Variants in NTM observed in about 807,000 individuals in gnomAD.
NTM encodes IgLON family member 2.
A neutral mutation model predicts 42.1 loss-of-function variants in NTM; 13 were observed. The observed-to-expected ratio is 0.31, with a 90% CI of 0.20 to 0.49. NTM has a LOEUF of 0.49. NTM is among the 20% of genes least tolerant of loss of function. NTM has a pLI of 0.99. For missense variants in NTM, 373 were observed against 452.8 expected (o/e 0.82, Z 1.60); for synonymous variants, 187 against 179.2 (o/e 1.04, Z -0.35).
chr11:132,167,087 C>A (rs2075391952), intron 3 of NTM, among the ~76,000 whole-genome samples: 2 of 152,104 alleles, frequency 1.3e-5, no homozygotes, highest in Admixed American at 1.3e-4. Flanking sequence ...CTATTTTACT[C>A]TGTTCTATCT....
intron 2 of NTM, among the ~76,000 whole-genome samples, chr11:131,995,306 T>C (rs2135180456): frequency 6.6e-6 from 1 of 152,280 alleles, no homozygotes; most frequent in African/African-American, 2.4e-5. Context: ...GGTGCTAGGA[T>C]GCAAGCACCC....
intron 4 of NTM, among the ~76,000 whole-genome samples, chr11:132,229,214 A>AT (rs200098357): frequency 6.6e-6 from 1 of 152,056 alleles, no homozygotes; most frequent in African/African-American, 2.4e-5. Flanking sequence ...AGAACTCCTC[A>AT]TTTTTCTTGA....
intron 4 of NTM, among the ~76,000 whole-genome samples, chr11:132,252,970 G>A (rs1166977072): frequency 6.6e-6 from 1 of 152,182 alleles, no homozygotes; most frequent in African/African-American, 2.4e-5. Context: ...TGACAAAGAT[G>A]TCCTCTTTGC....
At chr11:131,669,552 G>A (rs887902168) in intron 1 of NTM, among the ~76,000 whole-genome samples, 6 of 152,182 alleles carry the variant, frequency 3.9e-5, no homozygotes, top group Non-Finnish European at 8.8e-5. Context: ...CATTGAAGGA[G>A]GCTACCTTGT....
rs373622447 is a variant in NTM at position 131,711,812 on chromosome 11, C to T, written c.83-199752C>T. 2.6e-4 allele frequency among the ~76,000 whole-genome samples: 40 copies of T among 151,236 alleles called. No homozygotes were observed. The East Asian group carries it at 5.0e-3, about 19-fold the overall frequency. ...AATACTATGCAGCCATAAAAAATGA[C>T]GAGTTCATGTCCTTTGTAGGGACAT... is the stretch of plus-strand genomic sequence containing the variant. On this transcript the variant is annotated intron_variant, in intron 1 of 8. Transcript: ENST00000683400.
intron 1 of NTM, among the ~76,000 whole-genome samples, chr11:131,882,494 A>C (rs2049697287): frequency 6.6e-6 from 1 of 152,246 alleles, no homozygotes; most frequent in Non-Finnish European, 1.5e-5. Flanking sequence ...CTGGAATAAT[A>C]TTTAATCCAA....
At chr11:132,056,606 A>G (rs2079709426) in intron 2 of NTM, among the ~76,000 whole-genome samples, 1 of 152,250 alleles carries the variant, frequency 6.6e-6, no homozygotes, top group Non-Finnish European at 1.5e-5. Flanking sequence ...TGGAGAGACA[A>G]GGAGAATCAG....
chr11:132,184,533 T>C (rs1322226818), intron 3 of NTM, among the ~76,000 whole-genome samples: 1 of 152,158 alleles, frequency 6.6e-6, no homozygotes, highest in Non-Finnish European at 1.5e-5. Context: ...AGGAAATTCT[T>C]TCCTGCAGAC....
intron 1 of NTM, among the ~76,000 whole-genome samples, chr11:131,449,901 C>G (rs1950355925): frequency 6.6e-6 from 1 of 152,176 alleles, no homozygotes; most frequent in Non-Finnish European, 1.5e-5. Flanking sequence ...GCAGCTTCTA[C>G]CTACTCACTC....
intron 3 of NTM, among the ~76,000 whole-genome samples, chr11:132,209,464 A>G (rs1256619320): frequency 2.0e-5 from 3 of 152,236 alleles, no homozygotes; most frequent in African/African-American, 4.8e-5. Flanking sequence ...CTGAAGCTCA[A>G]TGAGGATGGA....
chr11:131,630,204 T>A lies in NTM; in HGVS notation c.82+259316T>A, dbSNP rs143498412. Among the ~76,000 whole-genome samples, 441 of 152,234 alleles carry A rather than the reference T, an allele frequency of 2.9e-3. 2 individuals carry two copies. The highest frequency in any genetic ancestry group is 0.01 in the African/African-American group (416 of 41,566). On this transcript the variant is annotated intron_variant, in intron 1 of 8. Coordinates refer to ENST00000683400, the MANE Select transcript of NTM (RefSeq NM_001352005.2). ...ATCAATGATTCTATGAAGGTGAGAATGGATATTGGCATAGAAAGTTAGCAA... is the reference window on the plus strand; with the variant it reads ...ATCAATGATTCTATGAAGGTGAGAAAGGATATTGGCATAGAAAGTTAGCAA...
chr11:131,483,800 G>C (rs1222936752), intron 1 of NTM, among the ~76,000 whole-genome samples: 1 of 152,240 alleles, frequency 6.6e-6, no homozygotes, highest in African/African-American at 2.4e-5. Flanking sequence ...AAGGGCAGTG[G>C]GGGAAGCAGA....
chr11:132,071,311 G>A (rs571671468), intron 2 of NTM, among the ~76,000 whole-genome samples: 18 of 128,200 alleles, frequency 1.4e-4, no homozygotes, highest in African/African-American at 4.6e-4. Flanking sequence ...AAGTTAACAC[G>A]TCACACTGAC....
intron 3 of NTM, among the ~76,000 whole-genome samples, chr11:132,170,632 G>A (rs562196307): frequency 6.6e-6 from 1 of 152,256 alleles, no homozygotes; most frequent in South Asian, 2.1e-4. Context: ...ATTGGCAGTT[G>A]CATATGTTTC....
At chr11:131,657,761 G>T (rs910828326) in intron 1 of NTM, among the ~76,000 whole-genome samples, 1 of 152,148 alleles carries the variant, frequency 6.6e-6, no homozygotes, top group Non-Finnish European at 1.5e-5. Flanking sequence ...CATTCACAAA[G>T]GTCTGGAAAC....
intron 2 of NTM, among the ~76,000 whole-genome samples, chr11:131,990,766 T>C (rs774999072): frequency 1.3e-5 from 2 of 152,194 alleles, no homozygotes; most frequent in Non-Finnish European, 2.9e-5. Context: ...AAGCCTAATG[T>C]AGCATGGAGG....
At chr11:132,323,612 T>A (rs1269517568) in intron 7 of NTM, among the ~76,000 whole-genome samples, 2 of 152,118 alleles carry the variant, frequency 1.3e-5, no homozygotes, top group Non-Finnish European at 2.9e-5. Flanking sequence ...GAGGAACTGG[T>A]ACCATTCCTT....
At chr11:131,838,248 G>C (rs1423294166) in intron 1 of NTM, among the ~76,000 whole-genome samples, 1 of 152,046 alleles carries the variant, frequency 6.6e-6, no homozygotes, top group Non-Finnish European at 1.5e-5. Flanking sequence ...CCCGGAAGTC[G>C]GGCTCTGTCA....
At chr11:132,256,833 C>A (rs1430813292) in intron 4 of NTM, among the ~76,000 whole-genome samples, 1 of 152,204 alleles carries the variant, frequency 6.6e-6, no homozygotes, top group Non-Finnish European at 1.5e-5. Flanking sequence ...GGCCTGCCGC[C>A]CACGGACCCG....
Sources: allele counts gnomAD v4.1 joint callset (sites outside exome capture counted in the v4.1 genomes callset), GRCh38; gene constraint gnomAD v4.1.1; transcripts MANE v1.5; gene names NCBI Gene and HGNC (gene_info 2026-07-23, HGNC 2026-07-21).